The following FMN1 variants were observed in gnomAD, a reference collection of about 807,000 sequenced individuals.
FMN1 encodes the protein formin-1.
In FMN1, 110 loss-of-function variants were observed where a neutral mutation model predicts 132.4. The observed-to-expected ratio is 0.83, with a 90% CI of 0.71 to 0.97. The LOEUF (loss-of-function observed/expected upper bound fraction) is 0.97, where lower values mean the gene tolerates loss of function less well. FMN1 is among the 50% of genes least tolerant of loss of function. The pLI is 0.00. For missense variants in FMN1, 1,792 were observed against 1,705.3 expected (o/e 1.05, Z -0.90); for synonymous variants, 722 against 651.7 (o/e 1.11, Z -1.64).
chr15:32,882,435 G>A (rs930059095), intron 16 of FMN1, among the ~76,000 whole-genome samples: 1 of 152,178 alleles, frequency 6.6e-6, no homozygotes, highest in Non-Finnish European at 1.5e-5. Context: ...TAAATGGTAA[G>A]TGTTGTCATT....
intron 17 of FMN1, among the ~76,000 whole-genome samples, chr15:32,846,722 G>A (rs1346916587): frequency 6.6e-6 from 1 of 152,092 alleles, no homozygotes; most frequent in Non-Finnish European, 1.5e-5. Flanking sequence ...TATACCCAAA[G>A]GATTATAAAT....
chr15:33,023,381 A>G (rs1400296991), intron 6 of FMN1, among the ~76,000 whole-genome samples: 1 of 152,196 alleles, frequency 6.6e-6, no homozygotes, highest in African/African-American at 2.4e-5. Flanking sequence ...ACATCACCCA[A>G]TGCAAATTTA....
At position 32,969,273 on chromosome 15, in the gene FMN1, CTCTG is replaced by C. The variant is rs753223655; in HGVS notation, c.2424_2427del (p.Asp808GlufsTer20). ...CTTTCACAGGGCTTGAGGAAGGTCT[CTCTG>C]TCTGTCTGGACGCACACATTTCTGA... On this transcript the variant is annotated frameshift_variant, in exon 8 of 21. Transcript: ENST00000616417. LOFTEE classifies it high-confidence loss of function. 4.0e-5 allele frequency: 65 copies of C among 1,613,934 alleles called. No homozygotes were observed. The African/African-American group carries it at 4.1e-4, about 10-fold the overall frequency.
chr15:33,176,139 C>T (rs1017062362), intron 3 of FMN1, among the ~76,000 whole-genome samples: 2 of 152,034 alleles, frequency 1.3e-5, no homozygotes, highest in Non-Finnish European at 2.9e-5. Context: ...CTTTGGGAGG[C>T]CGAGGAGGGT....
At chr15:32,981,897 A>G (rs2032705582) in intron 7 of FMN1, among the ~76,000 whole-genome samples, 1 of 152,198 alleles carries the variant, frequency 6.6e-6, no homozygotes, top group African/African-American at 2.4e-5. Context: ...AAACTGATCA[A>G]TTAGACAGAC....
At position 32,767,302 on chromosome 15, in the gene FMN1, T is replaced by C. The variant is rs930839255; in HGVS notation, c.*7008A>G. On this transcript the variant is annotated 3_prime_UTR_variant, in exon 21 of 21. Transcript: ENST00000616417. ...AAAACTGCATGGATCAGGTGCACTTTAGAAAGCAGCATCCAGGGTCCAGGG... is the reference window on the plus strand; with the variant it reads ...AAAACTGCATGGATCAGGTGCACTTCAGAAAGCAGCATCCAGGGTCCAGGG... The C allele has an allele frequency of 2.0e-5, 3 of 152,210 alleles. No homozygotes were observed. The highest frequency in any genetic ancestry group is 1.5e-5 in the Non-Finnish European group (1 of 68,036). The allele number at this position is 152,210 out of a possible 1,614,324, so 9.4% of individuals were successfully genotyped here. A position where few individuals can be genotyped will look rare whatever the true frequency, so the allele number is the denominator to read the frequency against.
At chr15:33,063,277 G>C (rs1324495398) in intron 6 of FMN1, 1 of 152,374 alleles carries the variant, frequency 6.6e-6, no homozygotes, top group Non-Finnish European at 1.5e-5. Flanking sequence ...GGGATGAGAA[G>C]AGATCAGGTT....
At chr15:33,161,797 A>G (rs1445001591) in intron 3 of FMN1, among the ~76,000 whole-genome samples, 1 of 152,060 alleles carries the variant, frequency 6.6e-6, no homozygotes, top group African/African-American at 2.4e-5. Flanking sequence ...GAGCACCTGT[A>G]GTCCCAGCTA....
rs544675491 is a variant in FMN1 at position 33,147,486 on chromosome 15, C to T, written c.1867+5562G>A. 7.0e-4 allele frequency among the ~76,000 whole-genome samples: 106 copies of T among 152,294 alleles called. 1 individual carries two copies. The highest frequency in any genetic ancestry group is 2.5e-3 in the African/African-American group (102 of 41,574). On this transcript the variant is annotated intron_variant, in intron 4 of 20. Coordinates refer to ENST00000616417, the MANE Select transcript of FMN1 (RefSeq NM_001277313.2). ...TTATTTCGGAAGGCTGTGCATATAG[C>T]CAAAGGCCACAGACTGCCACCCTTG...
At chr15:33,068,027 A>T in intron 5 of FMN1, 2 of 1,443,202 alleles carry the variant, frequency 1.4e-6, no homozygotes, top group East Asian at 2.5e-5. Flanking sequence ...CAGCAAACAC[A>T]CTTGGTCTCT....
intron 4 of FMN1, among the ~76,000 whole-genome samples, chr15:33,099,789 C>G (rs2039225084): frequency 6.6e-6 from 1 of 152,090 alleles, no homozygotes; most frequent in African/African-American, 2.4e-5. Flanking sequence ...TCTCACTAAA[C>G]AAAAAGGAAT....
chr15:32,924,198 G>T (rs777042136), intron 10 of FMN1, among the ~76,000 whole-genome samples: 8 of 152,066 alleles, frequency 5.3e-5, no homozygotes, highest in Non-Finnish European at 1.0e-4. Flanking sequence ...TTCAATGACA[G>T]GCCTATTTAG....
At chr15:32,863,326 C>T (rs549509506) in intron 16 of FMN1, among the ~76,000 whole-genome samples, 17 of 152,186 alleles carry the variant, frequency 1.1e-4, no homozygotes, top group Admixed American at 9.2e-4. Flanking sequence ...AGTCCCAACT[C>T]GGGAGGCTGA....
At chr15:33,029,334 C>T (rs2035826432) in intron 6 of FMN1, among the ~76,000 whole-genome samples, 1 of 151,876 alleles carries the variant, frequency 6.6e-6, no homozygotes, top group Non-Finnish European at 1.5e-5. Flanking sequence ...TTCTACCATA[C>T]TCTGAAGCCT....
At chr15:33,067,023 T>C in intron 5 of FMN1, 1 of 1,613,988 alleles carries the variant, frequency 6.2e-7, no homozygotes, top group Middle Eastern at 1.6e-4. Flanking sequence ...CCCTCAGCGG[T>C]AGCCCCCTTC....
At chr15:32,866,615 C>G (rs530351413) in intron 16 of FMN1, among the ~76,000 whole-genome samples, 75 of 152,202 alleles carry the variant, frequency 4.9e-4, no homozygotes, top group Non-Finnish European at 7.3e-4. Flanking sequence ...ATGTTACAGT[C>G]TAATCATTTT....
At chr15:33,024,494 C>T (rs186525853) in intron 6 of FMN1, among the ~76,000 whole-genome samples, 17 of 152,148 alleles carry the variant, frequency 1.1e-4, no homozygotes, top group Middle Eastern at 3.4e-3. Flanking sequence ...AATCCGCCCA[C>T]CTCGGCCTCC....
chr15:33,110,037 G>C (rs1301197858), intron 4 of FMN1, among the ~76,000 whole-genome samples: 2 of 151,820 alleles, frequency 1.3e-5, no homozygotes, highest in Admixed American at 1.3e-4. Context: ...TACTCTTCAG[G>C]CAAAAAGTAT....
chr15:32,851,336 A>G (rs2059004252), intron 17 of FMN1, among the ~76,000 whole-genome samples: 1 of 152,146 alleles, frequency 6.6e-6, no homozygotes, highest in Non-Finnish European at 1.5e-5. Flanking sequence ...AAGACCACCT[A>G]CAAGATCTAT....
Sources: gnomAD v4.1 joint callset for allele counts (sites outside exome capture counted in the v4.1 genomes callset) on GRCh38, gnomAD v4.1.1 for gene constraint, MANE v1.5 for transcripts, NCBI Gene and HGNC (gene_info 2026-07-23, HGNC 2026-07-21) for gene names.